HNF4G: variants seen among roughly 807,000 people sequenced by gnomAD.
The protein encoded by HNF4G is hepatocyte nuclear factor 4 gamma.
Under a neutral mutation model 50.9 loss-of-function variants are expected in HNF4G, and 21 were observed. That is an observed-to-expected ratio of 0.41 (90% CI 0.29 to 0.59). The LOEUF (loss-of-function observed/expected upper bound fraction) is 0.59. Among genes scored for constraint, HNF4G ranks in the 20% least tolerant of loss-of-function variants. The pLI, the probability that HNF4G is intolerant of heterozygous loss-of-function variation, is 0.26. For synonymous variants in HNF4G, 198 were observed against 185.6 expected, an observed-to-expected ratio of 1.07 and a Z score of -0.54; for missense variants, 527 against 559.4, an observed-to-expected ratio of 0.94 and a Z score of 0.58.
At chr8:75,541,238 A>C (rs1291179477) in intron 1 of HNF4G, among the ~76,000 whole-genome samples, 1 of 152,154 alleles carries the variant, frequency 6.6e-6, no homozygotes, top group African/African-American at 2.4e-5. Context: ...AGTGTTTAAC[A>C]AATGTACTGA....
chr8:75,523,567 T>G (rs1263760569), intron 2 of HNF4G, among the ~76,000 whole-genome samples: 1 of 152,178 alleles, frequency 6.6e-6, no homozygotes, highest in African/African-American at 2.4e-5. Context: ...AAGAGAGGTA[T>G]CTATGTGAGT....
chr8:75,534,166 C>A (rs1163228223), intron 2 of HNF4G, among the ~76,000 whole-genome samples: 1 of 151,914 alleles, frequency 6.6e-6, no homozygotes, highest in Non-Finnish European at 1.5e-5. Flanking sequence ...TTCTGACTAG[C>A]TTTGCTGAGT....
chr8:75,551,162 T>C (rs2272667), intron 3 of HNF4G, among the ~76,000 whole-genome samples: 101,053 of 151,988 alleles, frequency 0.66, 35,450 homozygotes, highest in African/African-American at 0.9. Flanking sequence ...CTTTCTAACA[T>C]GCATGCTGTC....
At chr8:75,444,119 A>G (rs991181758) in intron 1 of HNF4G, among the ~76,000 whole-genome samples, 23 of 152,092 alleles carry the variant, frequency 1.5e-4, no homozygotes, top group South Asian at 4.2e-4. Flanking sequence ...GTGGGGGCCA[A>G]TATTCAACAT....
intron 5 of HNF4G, among the ~76,000 whole-genome samples, chr8:75,555,580 T>TTA (rs1807092081): frequency 6.6e-6 from 1 of 151,844 alleles, no homozygotes; most frequent in African/African-American, 2.4e-5. Context: ...AGATTTTTTT[T>TTA]ATCTCTACTC....
chr8:75,484,753 T>C (rs1408441135), intron 1 of HNF4G, among the ~76,000 whole-genome samples: 5 of 152,196 alleles, frequency 3.3e-5, no homozygotes, highest in African/African-American at 4.8e-5. Flanking sequence ...GACTGGGACA[T>C]AGAATGAGCT....
At chr8:75,436,640 A>G (rs1213680408) in intron 1 of HNF4G, among the ~76,000 whole-genome samples, 1 of 152,228 alleles carries the variant, frequency 6.6e-6, no homozygotes, top group Non-Finnish European at 1.5e-5. Context: ...TTAATAGGTG[A>G]AATTTCAAAG....
At chr8:75,493,209 C>A (rs1812677000) in intron 2 of HNF4G, among the ~76,000 whole-genome samples, 1 of 151,880 alleles carries the variant, frequency 6.6e-6, no homozygotes, top group African/African-American at 2.4e-5. Context: ...TTGTGTTAAA[C>A]AATTTTAGAA....
At chr8:75,420,578 T>TC (rs1459826617) in intron 1 of HNF4G, among the ~76,000 whole-genome samples, 2 of 152,240 alleles carry the variant, frequency 1.3e-5, no homozygotes, top group African/African-American at 2.4e-5. Flanking sequence ...TCATTTGTGT[T>TC]CAATATTCCT....
intron 3 of HNF4G, among the ~76,000 whole-genome samples, chr8:75,550,357 G>A (rs1258591926): frequency 6.6e-6 from 1 of 151,638 alleles, no homozygotes; most frequent in African/African-American, 2.4e-5. Flanking sequence ...CTGTCACTCA[G>A]GCTGGTGTGC....
chr8:75,554,049 G>T lies in HNF4G; in HGVS notation c.645+852G>T, dbSNP rs560646548. The stretch of plus-strand genomic sequence containing the variant: ...AACCATGGTAAGTGTTATAACCAGT[G>T]TATATTTATTTTTAAGAGAGCGTTT... On this transcript the variant is annotated intron_variant, in intron 5 of 9. Transcript: ENST00000396423. Among the ~76,000 whole-genome samples, 165 of 151,916 alleles carry T rather than the reference G, an allele frequency of 1.1e-3. 3 individuals are homozygous for T. Among genetic ancestry groups the T allele is most frequent in the Non-Finnish European group, 4.6e-4 (31 of 68,004 alleles).
intron 1 of HNF4G, among the ~76,000 whole-genome samples, chr8:75,472,194 G>A (rs1039071203): frequency 6.6e-6 from 1 of 151,904 alleles, no homozygotes; most frequent in Non-Finnish European, 1.5e-5. Context: ...TCTCAACTTT[G>A]TGTGACAGAA....
At chr8:75,544,179 G>A (rs992682819) in intron 2 of HNF4G, among the ~76,000 whole-genome samples, 200 bp downstream of exon 2, 2 of 152,102 alleles carry the variant, frequency 1.3e-5, no homozygotes, top group African/African-American at 4.8e-5. Context: ...AAACATTTTA[G>A]ACTTACAGAA....
chr8:75,521,901 G>T (rs995337362), intron 2 of HNF4G, among the ~76,000 whole-genome samples: 2 of 152,130 alleles, frequency 1.3e-5, no homozygotes, highest in Non-Finnish European at 2.9e-5. Context: ...GCCTTACAAT[G>T]GCCCTATTTA....
intron 2 of HNF4G, among the ~76,000 whole-genome samples, chr8:75,513,189 C>A (rs1024028163): frequency 1.3e-5 from 2 of 152,010 alleles, no homozygotes; most frequent in South Asian, 2.1e-4. Context: ...AGGCTCCTAC[C>A]ACCACGCCCA....
In HNF4G at chr8:75,500,457, G is replaced by A. The variant is rs118058002; in HGVS notation, c.-24+10249G>A. 8.3e-3 allele frequency among the ~76,000 whole-genome samples: 1,268 copies of A among 152,156 alleles called. 13 individuals are homozygous for A. Among genetic ancestry groups the A allele is most frequent in the Non-Finnish European group, 0.013 (863 of 67,988 alleles). ...GCCAACTGCTCTGGGAAAATGTTTA[G>A]CAGTTTTTCATAAAGACAAACATAG... On this transcript the variant is annotated intron_variant, in intron 2 of 10. Transcript: ENST00000354370.
rs183682686 is a variant in HNF4G at position 75,515,755 on chromosome 8, C to G, written c.-24+25547C>G. On this transcript the variant is annotated intron_variant, in intron 2 of 10. Coordinates refer to the HNF4G transcript ENST00000354370. ...GGATTGGATAATGACCACTGACATT[C>G]ATGGGGGCCACCATGTTTTTTTTTT... 3.2e-4 allele frequency among the ~76,000 whole-genome samples: 49 copies of G among 151,744 alleles called. 1 individual carries two copies. The highest frequency in any genetic ancestry group is 1.1e-3 in the African/African-American group (45 of 41,406).
At chr8:75,521,745 G>A (rs921612276) in intron 2 of HNF4G, among the ~76,000 whole-genome samples, 12 of 152,246 alleles carry the variant, frequency 7.9e-5, no homozygotes, top group Non-Finnish European at 1.6e-4. Context: ...TAGTTTAAGA[G>A]TTCTGCAGTT....
At chr8:75,427,319 T>C (rs1448479301) in intron 1 of HNF4G, among the ~76,000 whole-genome samples, 1 of 152,196 alleles carries the variant, frequency 6.6e-6, no homozygotes, top group Admixed American at 6.5e-5. Context: ...GGATCATACC[T>C]GTAATCTCAG....
Sources: gnomAD v4.1 joint callset for allele counts (sites outside exome capture counted in the v4.1 genomes callset) on GRCh38, gnomAD v4.1.1 for gene constraint, MANE v1.5 for transcripts, NCBI Gene and HGNC (gene_info 2026-07-23, HGNC 2026-07-21) for gene names.